KIF1A: variants seen among roughly 807,000 people sequenced by gnomAD.
KIF1A encodes kinesin family member 1A.
Under a neutral mutation model 227.3 loss-of-function variants are expected in KIF1A, and 46 were observed. The ratio of observed to expected loss-of-function variants is 0.20; its 90% CI spans 0.16 to 0.26. The LOEUF (loss-of-function observed/expected upper bound fraction) is 0.26. Ranked by LOEUF, KIF1A falls within the 10% of genes least tolerant of loss-of-function variation. The pLI is 1.00. For synonymous variants in KIF1A, 1,022 were observed against 1,012.8 expected (o/e 1.01, Z -0.17); for missense variants, 1,683 against 2,485.9 (o/e 0.68, Z 6.87).
At position 240,750,484 on chromosome 2, in the gene KIF1A, G is replaced by T; in HGVS notation, c.2922C>A (p.Val974=). Reference sequence around the variant, plus strand: ...AGCCCTTCACCTCGCCCTTCTCGCTGACGATTGCCACACGGTGTACCAGGG... The same window carrying T: ...AGCCCTTCACCTCGCCCTTCTCGCTTACGATTGCCACACGGTGTACCAGGG... ...PVPLVHRVAI[V]SEKGEVKGFL... The change falls in exon 28 of 49, where the codon GTC becomes GTA. Residue 974 remains valine (V), a synonymous_variant. Transcript: ENST00000498729. 1 of 1,613,950 alleles carries T rather than the reference G, an allele frequency of 6.2e-7. No homozygotes were observed. The highest frequency in any genetic ancestry group is 8.5e-7 in the Non-Finnish European group (1 of 1,179,838).
rs1396427607 is a variant in KIF1A at position 240,762,709 on chromosome 2, G to C, written c.2116+10C>G. 6.3e-7 allele frequency: 1 copy of C among 1,575,712 alleles called. No individual in the cohort carries two copies. The highest frequency in any genetic ancestry group is 8.7e-7 in the Non-Finnish European group (1 of 1,153,310). On this transcript the variant is annotated intron_variant, in intron 23 of 48. Transcript: ENST00000498729. ...CTGACGCAGCAGGTGCTGGCCCAGTGACCCCTCACCTTCATCCTCGGGCTC... is the reference window on the plus strand; with the variant it reads ...CTGACGCAGCAGGTGCTGGCCCAGTCACCCCTCACCTTCATCCTCGGGCTC...
At chr2:240,720,496 A>G (rs111226755) in intron 45 of KIF1A, 2,157 of 161,808 alleles carry the variant, frequency 0.013, 51 homozygotes, top group African/African-American at 0.049. Context: ...CCTGCTTATG[A>G]ATTGTACATA....
At chr2:240,797,519 C>A (rs976498956) in intron 2 of KIF1A, 128 bp downstream of exon 2, 2 of 659,038 alleles carry the variant, frequency 3.0e-6, no homozygotes, top group Admixed American at 2.3e-5. Flanking sequence ...GACACCCACA[C>A]GCCACATAGA....
Position 240,760,555 on chromosome 2 carries a change from C to T in KIF1A, c.2444+110G>A, listed in dbSNP as rs114466649. On this transcript the variant is annotated intron_variant, in intron 25 of 48. Transcript: ENST00000498729. ...AAAATAATTGGAACAGGAGGAACAG[C>T]GGTGTCTGCAGGTACTCGCTGTGAA... The T allele has an allele frequency of 4.6e-3, 3,287 of 719,116 alleles. 17 individuals are homozygous for T. The highest frequency in any genetic ancestry group is 4.3e-3 in the Non-Finnish European group (2,079 of 479,556). 44.5% of individuals were successfully genotyped at this position (719,116 alleles called of 1,614,324 possible).
At chr2:240,769,112 C>T in intron 17 of KIF1A, 21 bp downstream of exon 17, 1 of 1,596,080 alleles carries the variant, frequency 6.3e-7, no homozygotes, top group Non-Finnish European at 8.5e-7. Flanking sequence ...GGCAGTACCA[C>T]AGAACTGAGA....
rs1348362199 is a variant in KIF1A, at chr2:240,792,522, G to T, written c.107-3210C>A. 2.0e-5 allele frequency among the ~76,000 whole-genome samples: 3 copies of T among 152,142 alleles called. No homozygotes were observed. Among genetic ancestry groups the T allele is most frequent in the Admixed American group, 1.3e-4 (2 of 15,290 alleles). ...GACACCGAGACGACAGAGACAGCGGGGGGAGGGTTGGGGTGAGGAGTGGGG... is the reference window on the plus strand; with the variant it reads ...GACACCGAGACGACAGAGACAGCGGTGGGAGGGTTGGGGTGAGGAGTGGGG... On this transcript the variant is annotated intron_variant, in intron 2 of 48. Transcript: ENST00000498729. The surrounding 1 kb of genome is among the most constrained non-coding windows in gnomAD (Gnocchi z 4.5).
intron 46 of KIF1A, 93 bp downstream of exon 46, chr2:240,719,681 T>A: frequency 1.5e-6 from 2 of 1,346,760 alleles, no homozygotes; most frequent in South Asian, 3.1e-5. Flanking sequence ...AGTATGAGGG[T>A]CCCTGTGCCC....
At chr2:240,746,412 G>A (rs887016721) in intron 29 of KIF1A, among the ~76,000 whole-genome samples, 12 of 152,214 alleles carry the variant, frequency 7.9e-5, no homozygotes, top group African/African-American at 2.7e-4. Flanking sequence ...GGCCATGGGA[G>A]TTCTGAGCTG....
Position 240,785,108 on chromosome 2 carries a change from G to A in KIF1A, c.609-8C>T, listed in dbSNP as rs775915390. 9.4e-5 allele frequency: 151 copies of A among 1,609,250 alleles called. No homozygotes were observed. The highest frequency in any genetic ancestry group is 1.2e-4 in the Non-Finnish European group (140 of 1,177,324). ...TTGGTGGCCGCCACGGTCCTGAGGAGCAGAAAGCCACGCACGGTTACCCCT... is the reference window on the plus strand; with the variant it reads ...TTGGTGGCCGCCACGGTCCTGAGGAACAGAAAGCCACGCACGGTTACCCCT... On this transcript the variant is annotated splice_polypyrimidine_tract_variant and splice_region_variant and intron_variant, in intron 6 of 48. Coordinates refer to ENST00000498729, the MANE Select transcript of KIF1A (RefSeq NM_001244008.2).
Position 240,740,383 on chromosome 2 carries a change from T to G in KIF1A, c.3750-19A>C. The G allele has an allele frequency of 6.2e-7, 1 of 1,610,724 alleles. No individual in the cohort carries two copies. Among genetic ancestry groups the G allele is most frequent in the Non-Finnish European group, 8.5e-7 (1 of 1,177,150 alleles). ...GATGTAACTGGAAGAGAGAGACACATGTGAGGAGCGGCCAGCCCCTCCTCT... is the reference window on the plus strand; with the variant it reads ...GATGTAACTGGAAGAGAGAGACACAGGTGAGGAGCGGCCAGCCCCTCCTCT... On this transcript the variant is annotated intron_variant, in intron 35 of 48. Transcript: ENST00000498729. The surrounding 1 kb of genome is among the most constrained non-coding windows in gnomAD (Gnocchi z 6.1).
chr2:240,769,494 C>T (rs974763862), intron 16 of KIF1A, 133 bp downstream of exon 16: 6 of 737,108 alleles, frequency 8.1e-6, no homozygotes, highest in African/African-American at 3.5e-5. Flanking sequence ...CAGGTTTGCC[C>T]TGGGCTGGGA....
In KIF1A at chr2:240,739,935, C is replaced by T. The variant is rs1337253735; in HGVS notation, c.3901+123G>A. 1.1e-5 allele frequency: 8 copies of T among 715,802 alleles called. No individual in the cohort carries two copies. The highest frequency in any genetic ancestry group is 1.8e-5 in the African/African-American group (1 of 56,750). 44.3% of individuals were successfully genotyped at this position (715,802 alleles called of 1,614,324 possible). ...TGAGTCACAGAGAGATTATGTGACC[C>T]GGCCAGGGTCACGCAGCAACAGACG... is the stretch of plus-strand genomic sequence containing the variant. On this transcript the variant is annotated intron_variant, in intron 37 of 48. Coordinates refer to ENST00000498729, the MANE Select transcript of KIF1A (RefSeq NM_001244008.2). This position sits in a 1 kb window ranked among gnomAD's most constrained non-coding sequence, Gnocchi z 5.6.
At chr2:240,765,940 C>T (rs2051115308) in intron 19 of KIF1A, 147 bp from the exon 20 acceptor site, 1 of 646,112 alleles carries the variant, frequency 1.5e-6, no homozygotes, top group African/African-American at 1.8e-5. Flanking sequence ...ATTGGCAACA[C>T]TCATTTGGGC....
chr2:240,769,294 G>T, intron 16 of KIF1A, 86 bp from the exon 17 acceptor site: 1 of 1,237,056 alleles, frequency 8.1e-7, no homozygotes, highest in Non-Finnish European at 1.1e-6. Context: ...GGGGCAGCGG[G>T]CCTGTGGCCA....
intron 29 of KIF1A, among the ~76,000 whole-genome samples, chr2:240,746,824 G>C (rs1477664937): frequency 6.6e-6 from 1 of 152,230 alleles, no homozygotes; most frequent in Non-Finnish European, 1.5e-5. Context: ...GGCAGCCTCA[G>C]GGGGGCAGCC....
intron 29 of KIF1A, among the ~76,000 whole-genome samples, chr2:240,746,636 C>T (rs1489054786): frequency 6.6e-6 from 1 of 152,210 alleles, no homozygotes; most frequent in Non-Finnish European, 1.5e-5. Context: ...GACGGCACGG[C>T]CAGGTGGGCA....
chr2:240,772,744 C>T lies in KIF1A; in HGVS notation c.1181-148G>A. On this transcript the variant is annotated intron_variant, in intron 13 of 48. Transcript: ENST00000498729. ...AGCAGGGTGGTGAAGGTCTTCAGCT[C>T]CAGAACGCGGGGGACCTCGGTGACC... 16 of 676,626 alleles carry T rather than the reference C, an allele frequency of 2.4e-5. No individual in the cohort carries two copies. The South Asian group carries it at 2.8e-4, about 12-fold the overall frequency. 41.9% of individuals were successfully genotyped at this position (676,626 alleles called of 1,614,324 possible).
chr2:240,776,566 G>A (rs977688605), intron 10 of KIF1A, among the ~76,000 whole-genome samples: 2 of 152,186 alleles, frequency 1.3e-5, no homozygotes, highest in Non-Finnish European at 2.9e-5. Flanking sequence ...TTTAAAATAT[G>A]GACTCCATCC....
rs552512256 is a variant in KIF1A, at chr2:240,746,890, G to T, written c.3063+346C>A. Among the ~76,000 whole-genome samples the T allele has an allele frequency of 2.0e-4, 30 of 152,310 alleles. No individual in the cohort carries two copies. The East Asian group carries it at 5.6e-3, about 28-fold the overall frequency. On this transcript the variant is annotated intron_variant, in intron 29 of 48. Transcript: ENST00000498729. Reference sequence around the variant, plus strand: ...GCAGTGGGAACGCGCCGTACTGTGGGGACCCAGAGGAGAGCTGGTCCAGAG... The same window carrying T: ...GCAGTGGGAACGCGCCGTACTGTGGTGACCCAGAGGAGAGCTGGTCCAGAG...
Sources: gnomAD v4.1 joint callset for allele counts (sites outside exome capture counted in the v4.1 genomes callset) on GRCh38, gnomAD v4.1.1 for gene constraint, Gnocchi (gnomAD v3.1) non-coding constraint, MANE v1.5 for transcripts, NCBI Gene and HGNC (gene_info 2026-07-23, HGNC 2026-07-21) for gene names.